The following C5orf63 variants were observed in gnomAD, a reference collection of about 807,000 sequenced individuals.
C5orf63 encodes chromosome 5 open reading frame 63.
In C5orf63, 18 loss-of-function variants were observed where a neutral mutation model predicts 13.3. That is an observed-to-expected ratio of 1.36 (90% CI 0.94 to 2.01). The LOEUF (loss-of-function observed/expected upper bound fraction) is 2.01. Among genes scored for constraint, C5orf63 ranks in the 30% most tolerant of loss-of-function variants. C5orf63 has a pLI of 0.00. For missense variants in C5orf63, 118 were observed against 127.7 expected (o/e 0.92, Z 0.36); for synonymous variants, 38 against 44.7 (o/e 0.85, Z 0.60).
Position 127,054,584 on chromosome 5 carries a change from T to G in C5orf63, c.115-1915A>C, listed in dbSNP as rs113132690. ...CTTTGCCCACTTTTTGATGGGATTG[T>G]TTGATTTTTTCTTGTAAATTTGTTT... On this transcript the variant is annotated intron_variant, in intron 3 of 4. Coordinates refer to ENST00000296662, the MANE Select transcript of C5orf63 (RefSeq NM_001164478.2). 3.6e-3 allele frequency among the ~76,000 whole-genome samples: 546 copies of G among 152,324 alleles called. 3 individuals carry two copies. The highest frequency in any genetic ancestry group is 0.013 in the African/African-American group (520 of 41,570).
chr5:127,047,525 A>G, downstream of C5orf63: 1 of 572,254 alleles, frequency 1.7e-6, no homozygotes, highest in South Asian at 2.3e-5. Flanking sequence ...TCCTCTCTGA[A>G]ATAAGAATTG....
intron 3 of C5orf63, among the ~76,000 whole-genome samples, chr5:127,052,894 C>A (rs1012097098): frequency 2.6e-5 from 4 of 152,082 alleles, no homozygotes; most frequent in African/African-American, 9.7e-5. Context: ...TTGTTTTGTT[C>A]TGATTTTTCT....
intron 2 of C5orf63, among the ~76,000 whole-genome samples, chr5:127,063,954 T>C (rs1214212852): frequency 6.6e-6 from 1 of 152,166 alleles, no homozygotes; most frequent in Non-Finnish European, 1.5e-5. Flanking sequence ...TGGAAGTTTA[T>C]GTAATGAGGT....
At chr5:127,058,835 A>T in intron 3 of C5orf63, 47 bp downstream of exon 3, 1 of 1,236,092 alleles carries the variant, frequency 8.1e-7, no homozygotes, top group Non-Finnish European at 1.1e-6. Flanking sequence ...CTTTTTCTTA[A>T]ATGTACAACT....
intron 2 of C5orf63, among the ~76,000 whole-genome samples, chr5:127,070,235 T>C (rs1752140083): frequency 6.6e-6 from 1 of 152,200 alleles, no homozygotes; most frequent in Non-Finnish European, 1.5e-5. Context: ...TTACTGAGTT[T>C]TCTATTAAAT....
downstream of C5orf63, among the ~76,000 whole-genome samples, chr5:127,050,232 G>GT (rs1753627340): frequency 6.6e-6 from 1 of 152,150 alleles, no homozygotes; most frequent in Non-Finnish European, 1.5e-5. Flanking sequence ...GATCACTGGG[G>GT]TTATCCTAGA....
At chr5:127,065,462 G>GA (rs1458915280) in intron 2 of C5orf63, among the ~76,000 whole-genome samples, 2 of 152,132 alleles carry the variant, frequency 1.3e-5, no homozygotes, top group Admixed American at 1.3e-4. Flanking sequence ...TGGATATGTA[G>GA]AAAAAAGGGA....
chr5:127,053,171 T>C (rs966679676), intron 3 of C5orf63, among the ~76,000 whole-genome samples: 4 of 152,174 alleles, frequency 2.6e-5, no homozygotes, highest in African/African-American at 4.8e-5. Context: ...CTTTAAAAAG[T>C]AAAACAAATC....
At chr5:127,059,142 TATAAATTTGGCAA>T (rs1337042755) in intron 2 of C5orf63, 140 bp from the exon 3 acceptor site, 1 of 634,962 alleles carries the variant, frequency 1.6e-6, no homozygotes, top group Non-Finnish European at 2.8e-6. Context: ...TGGAAAGACC[TATAAATTTGGCAA>T]GTCTCTCTGA....
chr5:127,065,344 G>A, intron 2 of C5orf63, among the ~76,000 whole-genome samples: 1 of 152,128 alleles, frequency 6.6e-6, no homozygotes, highest in East Asian at 1.9e-4. Flanking sequence ...TACTGTAACA[G>A]GGCCATATAA....
At chr5:127,057,711 C>T (rs929618057) in intron 3 of C5orf63, among the ~76,000 whole-genome samples, 2 of 152,234 alleles carry the variant, frequency 1.3e-5, no homozygotes, top group African/African-American at 4.8e-5. Flanking sequence ...TCATTCTAAG[C>T]TGAGGTCAAA....
At chr5:127,056,143 C>G (rs926847624) in intron 3 of C5orf63, among the ~76,000 whole-genome samples, 2 of 152,106 alleles carry the variant, frequency 1.3e-5, no homozygotes, top group Admixed American at 1.3e-4. Context: ...CTGACTCCAT[C>G]CCAGAAAAAC....
At chr5:127,055,678 A>T (rs56279346) in intron 3 of C5orf63, among the ~76,000 whole-genome samples, 14,899 of 152,190 alleles carry the variant, frequency 0.098, 1,153 homozygotes, top group African/African-American at 0.22. Flanking sequence ...TTTAAGATAA[A>T]CATCCTAAAA....
At chr5:127,063,313 C>T (rs1754178528) in intron 2 of C5orf63, among the ~76,000 whole-genome samples, 1 of 152,160 alleles carries the variant, frequency 6.6e-6, no homozygotes, top group African/African-American at 2.4e-5. Context: ...AAGGGCACAC[C>T]ATTAAGGCAA....
At chr5:127,046,735 A>G (rs1232335080), downstream of C5orf63, 1 of 152,260 alleles carries the variant, frequency 6.6e-6, no homozygotes, top group Non-Finnish European at 1.5e-5. Context: ...ATATAAGCTG[A>G]GTAAAATTCC....
At chr5:127,059,026 T>C (rs1395535970) in intron 2 of C5orf63, 24 bp from the exon 3 acceptor site, 1 of 1,320,046 alleles carries the variant, frequency 7.6e-7, no homozygotes, top group Admixed American at 2.0e-5. Flanking sequence ...AATAAAGCAG[T>C]AAACTTATGT....
intron 3 of C5orf63, among the ~76,000 whole-genome samples, chr5:127,058,038 TA>T (rs932473655): frequency 2.3e-4 from 35 of 152,306 alleles, no homozygotes; most frequent in African/African-American, 6.7e-4. Flanking sequence ...GTATCTTTAT[TA>T]AAAAAATTTT....
intron 1 of C5orf63, 187 bp from the exon 2 acceptor site, chr5:127,071,872 A>G (rs1446886729): frequency 1.3e-5 from 2 of 152,230 alleles, no homozygotes; most frequent in African/African-American, 4.8e-5. Context: ...ATAATAAAAA[A>G]TAACCTATTT....
At chr5:127,067,994 G>A (rs1374697583) in intron 2 of C5orf63, among the ~76,000 whole-genome samples, 1 of 152,058 alleles carries the variant, frequency 6.6e-6, no homozygotes, top group Admixed American at 6.5e-5. Context: ...AGTTTCCGTT[G>A]AAATTCAGCA....
Sources: allele counts gnomAD v4.1 joint callset (sites outside exome capture counted in the v4.1 genomes callset), GRCh38; gene constraint gnomAD v4.1.1; transcripts MANE v1.5; gene names NCBI Gene and HGNC (gene_info 2026-07-23, HGNC 2026-07-21).